COX10: variants seen among roughly 807,000 people sequenced by gnomAD.
COX10 encodes cytochrome c oxidase assembly factor heme A:farnesyltransferase COX10.
A neutral mutation model predicts 37.3 loss-of-function variants in COX10; 27 were observed. The observed-to-expected ratio is 0.72, with a 90% confidence interval of 0.53 to 1.00. The LOEUF (loss-of-function observed/expected upper bound fraction) is 1.00. Among genes scored for constraint, COX10 ranks in the 50% least tolerant of loss-of-function variants. The pLI is 0.00. For synonymous variants in COX10, 222 were observed against 229.1 expected, an observed-to-expected ratio of 0.97 and a Z score of 0.28; for missense variants, 475 against 563.2, an observed-to-expected ratio of 0.84 and a Z score of 1.59.
At chr17:14,075,651 A>G (rs981312523) in intron 2 of COX10, among the ~76,000 whole-genome samples, 1 of 152,144 alleles carries the variant, frequency 6.6e-6, no homozygotes, top group Non-Finnish European at 1.5e-5. Flanking sequence ...AGTGGTAGAG[A>G]CTGACTCTAC....
At chr17:14,069,971 T>C (rs896086716) in intron 1 of COX10, among the ~76,000 whole-genome samples, 3 of 152,154 alleles carry the variant, frequency 2.0e-5, no homozygotes, top group Admixed American at 2.0e-4. Context: ...GGTTCCACAG[T>C]CCTCCTTATC....
chr17:14,072,749 T>G (rs1264924408), intron 1 of COX10, among the ~76,000 whole-genome samples: 1 of 152,210 alleles, frequency 6.6e-6, no homozygotes, highest in Non-Finnish European at 1.5e-5. Flanking sequence ...AAAATTGTGA[T>G]GTATTTCTTG....
intron 4 of COX10, among the ~76,000 whole-genome samples, chr17:14,139,218 AG>A (rs1904470885): frequency 6.6e-6 from 1 of 152,164 alleles, no homozygotes; most frequent in Non-Finnish European, 1.5e-5. Flanking sequence ...AATATAAAAA[AG>A]GCACTGGTGT....
intron 5 of COX10, among the ~76,000 whole-genome samples, chr17:14,169,296 G>A (rs888433673): frequency 6.6e-6 from 1 of 152,090 alleles, no homozygotes; most frequent in African/African-American, 2.4e-5. Context: ...CCTTAGCCTG[G>A]ACTTCATTGT....
intron 6 of COX10, among the ~76,000 whole-genome samples, chr17:14,204,927 C>A (rs1185033196): frequency 6.6e-6 from 1 of 151,870 alleles, no homozygotes; most frequent in Non-Finnish European, 1.5e-5. Flanking sequence ...CATGGTGAGA[C>A]CCCATCTCTA....
At chr17:14,133,695 A>G (rs528592496) in intron 4 of COX10, among the ~76,000 whole-genome samples, 95 of 151,842 alleles carry the variant, frequency 6.3e-4, no homozygotes, top group Non-Finnish European at 9.9e-4. Flanking sequence ...AGTTTGCTAG[A>G]TGTTAATCAC....
intron 4 of COX10, among the ~76,000 whole-genome samples, chr17:14,121,200 C>CGT (rs1916220974): frequency 6.6e-6 from 1 of 152,164 alleles, no homozygotes; most frequent in African/African-American, 2.4e-5. Flanking sequence ...TCATCTCACC[C>CGT]TTGATATCAG....
intron 6 of COX10, among the ~76,000 whole-genome samples, chr17:14,202,852 G>A (rs1367121689): frequency 6.6e-6 from 1 of 151,678 alleles, no homozygotes; most frequent in Admixed American, 6.6e-5. Context: ...CCTCACTCCA[G>A]CCTCCATGCT....
At chr17:14,092,715 A>C (rs1915556107) in intron 3 of COX10, among the ~76,000 whole-genome samples, 1 of 152,164 alleles carries the variant, frequency 6.6e-6, no homozygotes, top group African/African-American at 2.4e-5. Flanking sequence ...TTAAGTTAGA[A>C]ATTCAACTAT....
At chr17:14,162,083 G>A (rs568465893) in intron 5 of COX10, among the ~76,000 whole-genome samples, 1 of 152,308 alleles carries the variant, frequency 6.6e-6, no homozygotes, top group African/African-American at 2.4e-5. Context: ...TAAGTTAAGT[G>A]TATGAGGCTA....
At chr17:14,072,089 T>C (rs1449737198) in intron 1 of COX10, among the ~76,000 whole-genome samples, 1 of 152,256 alleles carries the variant, frequency 6.6e-6, no homozygotes, top group Non-Finnish European at 1.5e-5. Context: ...TACACAAGGC[T>C]GAAATGTCTT....
Position 14,097,291 on chromosome 17 carries a change from A to G in COX10, c.500-4827A>G, listed in dbSNP as rs573394140. The stretch of plus-strand genomic sequence containing the variant: ...AATTAATTGCTTTGATGAAATAAGT[A>G]TAAATACATTCTTTGTTAGCTTTTG... On this transcript the variant is annotated intron_variant, in intron 3 of 6. Transcript: ENST00000261643. Among the ~76,000 whole-genome samples the G allele has an allele frequency of 1.7e-4, 26 of 151,576 alleles. No homozygotes were observed. In the East Asian group the frequency reaches 5.1e-3, roughly 29 times the overall value.
chr17:14,103,150 G>C (rs947920153), intron 4 of COX10, among the ~76,000 whole-genome samples: 9 of 151,964 alleles, frequency 5.9e-5, no homozygotes, highest in Non-Finnish European at 8.8e-5. Flanking sequence ...CTTATAGTGA[G>C]GTTCAAATAG....
intron 4 of COX10, among the ~76,000 whole-genome samples, chr17:14,121,392 C>T (rs558014494): frequency 1.1e-4 from 16 of 152,268 alleles, no homozygotes; most frequent in African/African-American, 3.9e-4. Context: ...GCTGTCATGG[C>T]TGCAACTTAG....
intron 4 of COX10, among the ~76,000 whole-genome samples, chr17:14,107,018 G>T (rs1431589213): frequency 6.6e-6 from 1 of 152,112 alleles, no homozygotes; most frequent in African/African-American, 2.4e-5. Context: ...ACTACTAGCA[G>T]TTTGGACAAG....
intron 6 of COX10, among the ~76,000 whole-genome samples, chr17:14,194,864 G>C (rs1026919897): frequency 6.6e-6 from 1 of 152,132 alleles, no homozygotes; most frequent in African/African-American, 2.4e-5. Context: ...TATTTGTCTT[G>C]GAAAATGAGA....
intron 3 of COX10, among the ~76,000 whole-genome samples, chr17:14,088,352 T>G (rs1022625843): frequency 1.4e-4 from 22 of 152,186 alleles, no homozygotes; most frequent in African/African-American, 5.1e-4. Flanking sequence ...CAGATTTTTC[T>G]TCAATTTTCA....
intron 4 of COX10, among the ~76,000 whole-genome samples, chr17:14,157,854 C>T (rs1905075158): frequency 6.6e-6 from 1 of 152,214 alleles, no homozygotes; most frequent in African/African-American, 2.4e-5. Flanking sequence ...AAATGCTTAA[C>T]ATGTGTAGCC....
chr17:14,150,100 C>T (rs757756917), intron 4 of COX10, among the ~76,000 whole-genome samples: 1 of 152,010 alleles, frequency 6.6e-6, no homozygotes, highest in Non-Finnish European at 1.5e-5. Flanking sequence ...GGTGAAACCC[C>T]ATCTCTACCA....
Sources: allele counts gnomAD v4.1 joint callset (sites outside exome capture counted in the v4.1 genomes callset), GRCh38; gene constraint gnomAD v4.1.1; transcripts MANE v1.5; gene names NCBI Gene and HGNC (gene_info 2026-07-23, HGNC 2026-07-21).